ANKRD30BL: variants seen among roughly 807,000 people sequenced by gnomAD.
ANKRD30BL encodes the protein putative ankyrin repeat domain-containing protein 30B-like.
A neutral mutation model predicts 18.4 loss-of-function variants in ANKRD30BL; 20 were observed. That is an observed-to-expected ratio of 1.09 (90% confidence interval 0.77 to 1.58). ANKRD30BL has a LOEUF of 1.58. ANKRD30BL is among the 40% of genes most tolerant of loss of function. ANKRD30BL has a pLI of 0.00. For missense variants in ANKRD30BL, 224 were observed against 268.6 expected, an observed-to-expected ratio of 0.83 and a Z score of 1.16; for synonymous variants, 72 against 100.9, an observed-to-expected ratio of 0.71 and a Z score of 1.72.
chr2:132,234,966 A>C (rs201451872), intron 1 of ANKRD30BL, among the ~76,000 whole-genome samples: 19 of 152,232 alleles, frequency 1.2e-4, no homozygotes, highest in South Asian at 6.2e-4. Flanking sequence ...AATCCAGCAG[A>C]ACATCAAAAA....
chr2:132,233,158 C>T (rs1455133810), intron 1 of ANKRD30BL, among the ~76,000 whole-genome samples: 2 of 151,268 alleles, frequency 1.3e-5, no homozygotes, highest in Non-Finnish European at 3.0e-5. Context: ...CACCACCAGG[C>T]CTGCCCTAAA....
intron 1 of ANKRD30BL, among the ~76,000 whole-genome samples, chr2:132,177,082 T>G (rs1288757929): frequency 6.6e-6 from 1 of 152,186 alleles, no homozygotes; most frequent in African/African-American, 2.4e-5. Flanking sequence ...CCATTTTCAA[T>G]GCAAGTAGTG....
chr2:132,155,582 G>A (rs528856092), intron 3 of ANKRD30BL: 1 of 152,264 alleles, frequency 6.6e-6, no homozygotes, highest in East Asian at 1.9e-4. Context: ...CCAGACAATA[G>A]GATTTTATCT....
intron 1 of ANKRD30BL, among the ~76,000 whole-genome samples, chr2:132,208,654 T>G (rs1414344775): frequency 4.0e-5 from 6 of 151,580 alleles, no homozygotes; most frequent in African/African-American, 1.2e-4. Context: ...AAAAATAATT[T>G]TCCTAAATGT....
Position 132,186,185 on chromosome 2 carries a change from CCTTT to C in ANKRD30BL, n.442-29043_442-29040del, listed in dbSNP as rs530596056. On this transcript the variant is annotated intron_variant and non_coding_transcript_variant, in intron 1 of 4. Coordinates refer to the ANKRD30BL transcript ENST00000470729. ...AAAAGGAATTCTTCTCAAAAAACTA[CCTTT>C]CTATTAGATATTTTTTATCTCAAAA... Among the ~76,000 whole-genome samples the C allele has an allele frequency of 2.1e-3, 311 of 151,540 alleles. 1 individual carries two copies. Among genetic ancestry groups the C allele is most frequent in the African/African-American group, 7.0e-3 (288 of 41,374 alleles).
chr2:132,210,332 G>A (rs1307930847), intron 1 of ANKRD30BL, among the ~76,000 whole-genome samples: 1 of 151,946 alleles, frequency 6.6e-6, no homozygotes, highest in African/African-American at 2.4e-5. Context: ...GTGGATATTT[G>A]GAGCGCTTTG....
rs559707477 is a variant in ANKRD30BL at position 132,254,433 on chromosome 2, G to A, written n.441+3096C>T. The stretch of plus-strand genomic sequence containing the variant: ...AGTCAAGTTCGACTGTCTTCTCAGC[G>A]TTCCGCCAGGGCAGTGGGCTGACCC... On this transcript the variant is annotated intron_variant and non_coding_transcript_variant, in intron 1 of 4. Coordinates refer to the ANKRD30BL transcript ENST00000470729. Among the ~76,000 whole-genome samples, 671 of 152,342 alleles carry A rather than the reference G, an allele frequency of 4.4e-3. 24 individuals carry two copies. The East Asian group carries it at 0.081, about 18-fold the overall frequency.
In ANKRD30BL at chr2:132,147,771, G is replaced by A. The variant is rs1207553769; in HGVS notation, c.*360C>T. On this transcript the variant is annotated 3_prime_UTR_variant, in exon 6 of 6. Coordinates refer to ENST00000409867, the MANE Select transcript of ANKRD30BL (RefSeq NM_001358416.1). ...GCACACTCTAAGCCAATTCAGATTG[G>A]CTATTTAAAGAGGGCAGGGGTATGA... 2.3e-5 allele frequency: 6 copies of A among 262,946 alleles called. No homozygotes were observed. Among genetic ancestry groups the A allele is most frequent in the Admixed American group, 8.7e-5 (2 of 23,036 alleles). The allele number at this position is 262,946 out of a possible 1,614,324, so 16.3% of individuals were successfully genotyped here. A position where few individuals can be genotyped will look rare whatever the true frequency, so the allele number is the denominator to read the frequency against.
intron 1 of ANKRD30BL, among the ~76,000 whole-genome samples, chr2:132,173,646 A>G (rs72866786): frequency 1.3e-5 from 2 of 151,904 alleles, no homozygotes; most frequent in African/African-American, 2.4e-5. Context: ...GTTTTTGGGG[A>G]AAAAAATCTG....
At position 132,187,195 on chromosome 2, in the gene ANKRD30BL, T is replaced by G. The variant is rs1432484699; in HGVS notation, n.442-30049A>C. On this transcript the variant is annotated intron_variant and non_coding_transcript_variant, in intron 1 of 4. Coordinates refer to the ANKRD30BL transcript ENST00000470729. ...TTGTTTTTTTTTTTGTTTGTTTTTTTTTTTTTTTTTTTTTGAGAGACAGAG... is the reference window on the plus strand; with the variant it reads ...TTGTTTTTTTTTTTGTTTGTTTTTTGTTTTTTTTTTTTTTGAGAGACAGAG... 2.1e-4 allele frequency among the ~76,000 whole-genome samples: 30 copies of G among 143,302 alleles called. 1 individual carries two copies. Among genetic ancestry groups the G allele is most frequent in the African/African-American group, 5.0e-4 (19 of 38,266 alleles). The allele number at this position is 143,302 out of a possible 152,430, so 94.0% of individuals were successfully genotyped here. A position where few individuals can be genotyped will look rare whatever the true frequency, so the allele number is the denominator to read the frequency against.
chr2:132,222,064 C>T lies in ANKRD30BL; in HGVS notation n.441+35465G>A, dbSNP rs1338906364. On this transcript the variant is annotated intron_variant and non_coding_transcript_variant, in intron 1 of 4. Transcript: ENST00000470729. Reference sequence around the variant, plus strand: ...GAGGCGGGGGGGGGGGTCGGCCAGCCGCCCCGTCCGGGAGGGAGGTCGGGG... The same window carrying T: ...GAGGCGGGGGGGGGGGTCGGCCAGCTGCCCCGTCCGGGAGGGAGGTCGGGG... Among the ~76,000 whole-genome samples, 59 of 141,452 alleles carry T rather than the reference C, an allele frequency of 4.2e-4. 1 individual carries two copies. The highest frequency in any genetic ancestry group is 1.2e-3 in the African/African-American group (41 of 35,330). 92.8% of individuals were successfully genotyped at this position (141,452 alleles called of 152,430 possible).
At chr2:132,171,091 C>A (rs895406878) in intron 1 of ANKRD30BL, among the ~76,000 whole-genome samples, 2 of 149,846 alleles carry the variant, frequency 1.3e-5, no homozygotes, top group East Asian at 2.0e-4. Flanking sequence ...GGAGGCGGAG[C>A]CTGCAGTGAG....
chr2:132,234,564 T>C (rs1477931276), intron 1 of ANKRD30BL, among the ~76,000 whole-genome samples: 3 of 152,108 alleles, frequency 2.0e-5, no homozygotes, highest in Non-Finnish European at 2.9e-5. Flanking sequence ...AACACCTCTA[T>C]GCAAATAAAC....
intron 1 of ANKRD30BL, among the ~76,000 whole-genome samples, chr2:132,211,865 A>G (rs903667243): frequency 3.3e-5 from 5 of 151,824 alleles, no homozygotes; most frequent in Admixed American, 2.0e-4. Context: ...CTGCAAGTGG[A>G]CATTTAGTGC....
chr2:132,176,451 C>A (rs1688368812), intron 1 of ANKRD30BL, among the ~76,000 whole-genome samples: 1 of 152,040 alleles, frequency 6.6e-6, no homozygotes, highest in African/African-American at 2.4e-5. Context: ...TCGCTTGAAC[C>A]TGGGAGGTGG....
rs182800740 is a variant in ANKRD30BL, at chr2:132,156,227, T to G, written c.507+746A>C. On this transcript the variant is annotated intron_variant, in intron 3 of 5. Transcript: ENST00000409867. ...TAACCTATTCAAATACAAACATGAT[T>G]AATCTAAAAAGGCTTAAAGGCTTTC... 3 of 152,298 alleles carry G rather than the reference T, an allele frequency of 2.0e-5. 1 individual carries two copies. The highest frequency in any genetic ancestry group is 2.0e-4 in the Admixed American group (3 of 15,288). The allele number at this position is 152,298 out of a possible 1,614,324, so 9.4% of individuals were successfully genotyped here.
chr2:132,221,565 C>T lies in ANKRD30BL; in HGVS notation n.441+35964G>A, dbSNP rs1487627583. On this transcript the variant is annotated intron_variant and non_coding_transcript_variant, in intron 1 of 4. Coordinates refer to the ANKRD30BL transcript ENST00000470729. ...GAGGTGGGGGGGTCAGCCCCCCGCC[C>T]GGCCAGCCGCCCAGTCTGGGAGGGA... Among the ~76,000 whole-genome samples the T allele has an allele frequency of 3.0e-4, 40 of 133,244 alleles. 1 individual carries two copies. Among genetic ancestry groups the T allele is most frequent in the Non-Finnish European group, 5.0e-4 (32 of 63,486 alleles). The allele number at this position is 133,244 out of a possible 152,430, so 87.4% of individuals were successfully genotyped here. A position where few individuals can be genotyped will look rare whatever the true frequency, so the allele number is the denominator to read the frequency against.
chr2:132,161,839 T>G lies in ANKRD30BL; in HGVS notation c.-134A>C. 1 of 620,122 alleles carries G rather than the reference T, an allele frequency of 1.6e-6. No homozygotes were observed. The highest frequency in any genetic ancestry group is 2.0e-5 in the South Asian group (1 of 50,828). 38.4% of individuals were successfully genotyped at this position (620,122 alleles called of 1,614,324 possible). A position where few individuals can be genotyped will look rare whatever the true frequency, so the allele number is the denominator to read the frequency against. On this transcript the variant is annotated 5_prime_UTR_variant, in exon 1 of 6. Coordinates refer to ENST00000409867, the MANE Select transcript of ANKRD30BL (RefSeq NM_001358416.1). ...ACTAGAAATCTCAGTCGGGCCAAGC[T>G]TTTGGACACTCCAACCTCTCCCGGG...
chr2:132,160,423 T>TTTTA (rs1222825232), intron 1 of ANKRD30BL, among the ~76,000 whole-genome samples: 49 of 109,328 alleles, frequency 4.5e-4, no homozygotes, highest in East Asian at 2.4e-3. Flanking sequence ...TTTTTTCAAA[T>TTTTA]TTTATTTATT....
Sources: gnomAD v4.1 joint callset for allele counts (sites outside exome capture counted in the v4.1 genomes callset) on GRCh38, gnomAD v4.1.1 for gene constraint, MANE v1.5 for transcripts, NCBI Gene and HGNC (gene_info 2026-07-23, HGNC 2026-07-21) for gene names.